The following SEMA6D variants were observed in gnomAD, a reference collection of about 807,000 sequenced individuals.
SEMA6D encodes semaphorin 6D, also known as semaphorin-6D.
Under a neutral mutation model 106.6 loss-of-function variants are expected in SEMA6D, and 35 were observed. The ratio of observed to expected loss-of-function variants is 0.33; its 90% CI spans 0.25 to 0.44. The LOEUF is 0.44. Ranked by LOEUF, SEMA6D falls within the 20% of genes least tolerant of loss-of-function variation. SEMA6D has a pLI of 1.00. For synonymous variants in SEMA6D, 499 were observed against 487.7 expected, an observed-to-expected ratio of 1.02 and a Z score of -0.31; for missense variants, 1,185 against 1,345.9, an observed-to-expected ratio of 0.88 and a Z score of 1.87.
At chr15:47,464,540 C>T (rs1468075160) in intron 2 of SEMA6D, among the ~76,000 whole-genome samples, 1 of 152,066 alleles carries the variant, frequency 6.6e-6, no homozygotes, top group Non-Finnish European at 1.5e-5. Flanking sequence ...ACATCTGGGC[C>T]TGGCTTTTGC....
chr15:47,370,061 A>G (rs1310427497), intron 1 of SEMA6D, among the ~76,000 whole-genome samples: 1 of 152,204 alleles, frequency 6.6e-6, no homozygotes, highest in Non-Finnish European at 1.5e-5. Flanking sequence ...CACATAAACC[A>G]ACTGAGTTTG....
chr15:47,763,370 T>G (rs10519143), intron 9 of SEMA6D, among the ~76,000 whole-genome samples: 31,755 of 152,100 alleles, frequency 0.21, 3,987 homozygotes, highest in South Asian at 0.32. Context: ...ACAGGTACCC[T>G]TGAGCTACGG....
At chr15:47,740,433 T>G (rs543857749) in intron 1 of SEMA6D, among the ~76,000 whole-genome samples, 1 of 151,908 alleles carries the variant, frequency 6.6e-6, no homozygotes, top group African/African-American at 2.4e-5. Flanking sequence ...GGCAGGAGGA[T>G]CACTTGAACC....
chr15:47,359,776 T>C (rs1436249350), intron 1 of SEMA6D: 1 of 152,124 alleles, frequency 6.6e-6, no homozygotes, highest in Non-Finnish European at 1.5e-5. Flanking sequence ...CAGAGATTAT[T>C]TGTCAGAATT....
chr15:47,412,936 G>A (rs1057049164), intron 2 of SEMA6D, among the ~76,000 whole-genome samples: 14 of 152,138 alleles, frequency 9.2e-5, no homozygotes, highest in South Asian at 4.1e-4. Flanking sequence ...AGGAGATTAC[G>A]TAAAAATGAA....
intron 1 of SEMA6D, among the ~76,000 whole-genome samples, chr15:47,339,554 G>T (rs2037724763): frequency 1.3e-5 from 2 of 152,164 alleles, no homozygotes; most frequent in African/African-American, 4.8e-5. Flanking sequence ...CATATACTAT[G>T]CCAGATGTTG....
chr15:47,444,379 A>G (rs1312859679), intron 2 of SEMA6D, among the ~76,000 whole-genome samples: 1 of 152,160 alleles, frequency 6.6e-6, no homozygotes, highest in Non-Finnish European at 1.5e-5. Flanking sequence ...ATAAAGTGCT[A>G]GGGAGTAAAG....
upstream of SEMA6D, among the ~76,000 whole-genome samples, chr15:47,714,569 C>T (rs2079075832): frequency 6.6e-6 from 1 of 152,186 alleles, no homozygotes; most frequent in African/African-American, 2.4e-5. Context: ...AAAATGACTA[C>T]TTTCCACTGA....
intron 1 of SEMA6D, 89 bp from the exon 2 acceptor site, chr15:47,759,656 G>T (rs2081957917): frequency 3.1e-6 from 2 of 646,000 alleles, no homozygotes; most frequent in South Asian, 3.6e-5. Flanking sequence ...GCTTTGGAGG[G>T]AGCTGATGGT....
chr15:47,723,484 A>G (rs2079545613), intron 1 of SEMA6D, among the ~76,000 whole-genome samples: 2 of 152,266 alleles, frequency 1.3e-5, no homozygotes, highest in East Asian at 1.9e-4. Flanking sequence ...CCCGGGGGGA[A>G]TTTATGGGCC....
intron 1 of SEMA6D, among the ~76,000 whole-genome samples, chr15:47,347,354 AGT>A (rs1222727919): frequency 6.6e-6 from 1 of 152,246 alleles, no homozygotes; most frequent in Non-Finnish European, 1.5e-5. Context: ...ATTTGCAGCC[AGT>A]GTTGAAAATT....
At chr15:47,522,572 T>A (rs1457783663) in intron 3 of SEMA6D, among the ~76,000 whole-genome samples, 1 of 152,200 alleles carries the variant, frequency 6.6e-6, no homozygotes, top group East Asian at 1.9e-4. Context: ...TTTAATGTTT[T>A]ATTTCCTCTA....
At chr15:47,413,124 A>T (rs1452136830) in intron 2 of SEMA6D, among the ~76,000 whole-genome samples, 1 of 152,196 alleles carries the variant, frequency 6.6e-6, no homozygotes, top group African/African-American at 2.4e-5. Context: ...CTCTGTGTGT[A>T]TGTGTATTTA....
At chr15:47,592,291 A>G (rs1272214315) in intron 3 of SEMA6D, among the ~76,000 whole-genome samples, 1 of 152,204 alleles carries the variant, frequency 6.6e-6, no homozygotes, top group East Asian at 1.9e-4. Context: ...AGAATGCCTT[A>G]CTCTGACTTT....
intron 2 of SEMA6D, among the ~76,000 whole-genome samples, chr15:47,436,869 G>A (rs2041727379): frequency 6.6e-6 from 1 of 150,460 alleles, no homozygotes; most frequent in African/African-American, 2.4e-5. Context: ...AGAAGGTTGA[G>A]GTTGCAGTGA....
At position 47,759,925 on chromosome 15, in the gene SEMA6D, C is replaced by T. The variant is rs780522139; in HGVS notation, c.109+18C>T. 12 of 1,527,632 alleles carry T rather than the reference C, an allele frequency of 7.9e-6. No homozygotes were observed. The highest frequency in any genetic ancestry group is 1.1e-5 in the Non-Finnish European group (12 of 1,101,218). 94.6% of individuals were successfully genotyped at this position (1,527,632 alleles called of 1,614,324 possible). On this transcript the variant is annotated intron_variant, in intron 2 of 18. Transcript: ENST00000536845. ...CTATCACTGTAAGTCGTCTCAAGAA[C>T]AGTCTTCTATTCTGAGAAGGAAGCT...
chr15:47,370,573 G>A lies in SEMA6D; in HGVS notation c.-238-41820G>A, dbSNP rs183422297. On this transcript the variant is annotated intron_variant, in intron 1 of 19. Coordinates refer to the SEMA6D transcript ENST00000558014. Reference sequence around the variant, plus strand: ...AAAGAAGATATTATGGGCTGGGTGCGGTGGCTCACGCCTGTAATCCTAGCA... The same window carrying A: ...AAAGAAGATATTATGGGCTGGGTGCAGTGGCTCACGCCTGTAATCCTAGCA... 3.5e-3 allele frequency among the ~76,000 whole-genome samples: 524 copies of A among 151,250 alleles called. 3 individuals are homozygous for A. The highest frequency in any genetic ancestry group is 4.2e-3 in the Non-Finnish European group (284 of 67,844).
At chr15:47,422,161 T>A (rs2041179000) in intron 2 of SEMA6D, among the ~76,000 whole-genome samples, 1 of 99,282 alleles carries the variant, frequency 1.0e-5, no homozygotes. Flanking sequence ...ACTCTTATTT[T>A]TTGCCCGCCC....
intron 1 of SEMA6D, among the ~76,000 whole-genome samples, chr15:47,363,298 A>C (rs756286062): frequency 2.6e-5 from 4 of 152,208 alleles, no homozygotes; most frequent in Non-Finnish European, 5.9e-5. Context: ...TGTTAAGAAC[A>C]CAATCCTAAA....
Sources: gnomAD v4.1 joint callset for allele counts (sites outside exome capture counted in the v4.1 genomes callset) on GRCh38, gnomAD v4.1.1 for gene constraint, MANE v1.5 for transcripts, NCBI Gene and HGNC (gene_info 2026-07-23, HGNC 2026-07-21) for gene names.